GRIA1: variants seen among roughly 807,000 people sequenced by gnomAD.
GRIA1 encodes the protein glutamate ionotropic receptor AMPA type subunit 1.
A neutral mutation model predicts 99.2 loss-of-function variants in GRIA1; 31 were observed. That is an observed-to-expected ratio of 0.31 (90% CI 0.23 to 0.42). The LOEUF (loss-of-function observed/expected upper bound fraction) is 0.42. Ranked by LOEUF, GRIA1 falls within the 10% of genes least tolerant of loss-of-function variation. The probability of loss-of-function intolerance (pLI) is 1.00; values close to 1 mark genes in which losing one functional copy is unlikely to be tolerated. For synonymous variants in GRIA1, 438 were observed against 432.4 expected, an observed-to-expected ratio of 1.01 and a Z score of -0.16; for missense variants, 782 against 1,157.5, an observed-to-expected ratio of 0.68 and a Z score of 4.71.
intron 8 of GRIA1, among the ~76,000 whole-genome samples, chr5:153,696,858 G>A (rs1758142990): frequency 1.0e-5 from 1 of 99,008 alleles, no homozygotes; most frequent in Admixed American, 1.1e-4. Flanking sequence ...GCTTTAGGGT[G>A]TGTATGTGTG....
intron 11 of GRIA1, among the ~76,000 whole-genome samples, chr5:153,740,966 C>CTTTTTTTT (rs10601141): frequency 5.2e-5 from 4 of 76,824 alleles, no homozygotes; most frequent in Non-Finnish European, 4.5e-5. Context: ...AAGAAATTGG[C>CTTTTTTTT]TTTTTTTTTT....
At chr5:153,742,666 G>A (rs889930394) in intron 11 of GRIA1, among the ~76,000 whole-genome samples, 2 of 152,162 alleles carry the variant, frequency 1.3e-5, no homozygotes, top group African/African-American at 2.4e-5. Context: ...TGCTCCTAGA[G>A]GATACCCTTA....
At chr5:153,546,730 C>T (rs1194756793) in intron 2 of GRIA1, among the ~76,000 whole-genome samples, 1 of 152,210 alleles carries the variant, frequency 6.6e-6, no homozygotes, top group Non-Finnish European at 1.5e-5. Context: ...TCCTAACCAA[C>T]ACATTGTCCT....
chr5:153,684,681 G>T (rs1757222664), intron 7 of GRIA1, among the ~76,000 whole-genome samples: 1 of 152,168 alleles, frequency 6.6e-6, no homozygotes, highest in South Asian at 2.1e-4. Context: ...CTAAAGATTG[G>T]CAAGAGATTA....
intron 2 of GRIA1, among the ~76,000 whole-genome samples, chr5:153,628,741 GT>G (rs951478421): frequency 1.3e-5 from 2 of 151,886 alleles, no homozygotes; most frequent in South Asian, 2.1e-4. Flanking sequence ...TTGTTTGTGG[GT>G]TTTTTTTCTA....
intron 11 of GRIA1, among the ~76,000 whole-genome samples, chr5:153,762,952 C>T (rs1041924870): frequency 6.6e-6 from 1 of 152,208 alleles, no homozygotes; most frequent in Non-Finnish European, 1.5e-5. Context: ...CATGTCTCTT[C>T]AAGTCTCTTC....
chr5:153,643,612 C>G (rs550318931), intron 2 of GRIA1, among the ~76,000 whole-genome samples: 45 of 152,234 alleles, frequency 3.0e-4, no homozygotes, highest in African/African-American at 1.1e-3. Context: ...TTAAGTTTGG[C>G]TGAAGTGTAG....
intron 11 of GRIA1, among the ~76,000 whole-genome samples, chr5:153,749,912 G>A (rs190207404): frequency 6.6e-6 from 1 of 152,056 alleles, no homozygotes; most frequent in Non-Finnish European, 1.5e-5. Context: ...TAGTACACCA[G>A]CTTACAGAGT....
chr5:153,783,520 T>C (rs1289315478), intron 13 of GRIA1, among the ~76,000 whole-genome samples: 1 of 152,230 alleles, frequency 6.6e-6, no homozygotes, highest in Non-Finnish European at 1.5e-5. Context: ...AGAATTCCTG[T>C]TGGAGGAGCC....
chr5:153,767,289 G>A (rs1156373308), intron 12 of GRIA1, among the ~76,000 whole-genome samples: 3 of 152,206 alleles, frequency 2.0e-5, no homozygotes, highest in African/African-American at 7.2e-5. Context: ...ATTTTCAGAA[G>A]AGGAACACTG....
intron 2 of GRIA1, among the ~76,000 whole-genome samples, chr5:153,506,673 C>T (rs1755536461): frequency 6.6e-6 from 1 of 152,162 alleles, no homozygotes; most frequent in Non-Finnish European, 1.5e-5. Context: ...GTTTAATCTT[C>T]ACTCCAGACA....
intron 14 of GRIA1, among the ~76,000 whole-genome samples, chr5:153,798,924 G>T (rs955105746): frequency 3.3e-5 from 5 of 152,098 alleles, no homozygotes; most frequent in African/African-American, 4.8e-5. Flanking sequence ...CAGATGAGTG[G>T]GGGGGTTTCA....
At chr5:153,780,328 C>T (rs1437004373) in intron 13 of GRIA1, among the ~76,000 whole-genome samples, 1 of 152,180 alleles carries the variant, frequency 6.6e-6, no homozygotes, top group African/African-American at 2.4e-5. Context: ...AATTCAAATT[C>T]TGCCTCCCGC....
intron 2 of GRIA1, among the ~76,000 whole-genome samples, chr5:153,605,252 C>T (rs1319810870): frequency 6.6e-6 from 1 of 151,996 alleles, no homozygotes; most frequent in Non-Finnish European, 1.5e-5. Flanking sequence ...AATAAGCATC[C>T]AGTATGTATT....
intron 2 of GRIA1, among the ~76,000 whole-genome samples, chr5:153,523,606 T>G (rs1035708752): frequency 6.6e-6 from 1 of 152,194 alleles, no homozygotes; most frequent in Non-Finnish European, 1.5e-5. Flanking sequence ...AGGTCTGTCA[T>G]TGACTGGCCT....
intron 2 of GRIA1, among the ~76,000 whole-genome samples, chr5:153,549,200 A>G (rs1157560545): frequency 1.3e-5 from 2 of 152,206 alleles, no homozygotes; most frequent in Non-Finnish European, 2.9e-5. Flanking sequence ...GATGGTACAC[A>G]TTAATGATCC....
chr5:153,689,193 C>A (rs1757563284), intron 8 of GRIA1, among the ~76,000 whole-genome samples: 1 of 151,982 alleles, frequency 6.6e-6, no homozygotes, highest in Admixed American at 6.6e-5. Flanking sequence ...TGTCCCCAGC[C>A]CCTTTCTTTC....
intron 2 of GRIA1, among the ~76,000 whole-genome samples, chr5:153,531,379 T>C (rs1402867582): frequency 6.6e-6 from 1 of 152,168 alleles, no homozygotes; most frequent in African/African-American, 2.4e-5. Context: ...AGGCAGGAAC[T>C]GCCTTCTGTG....
chr5:153,715,213 C>T (rs1409663139), intron 11 of GRIA1, among the ~76,000 whole-genome samples: 1 of 152,082 alleles, frequency 6.6e-6, no homozygotes, highest in East Asian at 1.9e-4. Flanking sequence ...CCTTATGATT[C>T]CCAGCTTAGC....
Sources: allele counts gnomAD v4.1 joint callset (sites outside exome capture counted in the v4.1 genomes callset), GRCh38; gene constraint gnomAD v4.1.1; transcripts MANE v1.5; gene names NCBI Gene and HGNC (gene_info 2026-07-23, HGNC 2026-07-21).